VTI1A: variants seen among roughly 807,000 people sequenced by gnomAD.
VTI1A encodes the protein vesicle transport through interaction with t-SNAREs homolog 1A.
In VTI1A, 22 loss-of-function variants were observed where a neutral mutation model predicts 34.9. The observed-to-expected ratio is 0.63, with a 90% confidence interval of 0.45 to 0.90. The LOEUF (loss-of-function observed/expected upper bound fraction) is 0.90, where lower values mean the gene tolerates loss of function less well. VTI1A is among the 40% of genes least tolerant of loss of function. The pLI is 0.00. For missense variants in VTI1A, 268 were observed against 275.6 expected (o/e 0.97, Z 0.20); for synonymous variants, 87 against 97.3 (o/e 0.89, Z 0.62).
intron 5 of VTI1A, among the ~76,000 whole-genome samples, chr10:112,592,748 A>C (rs895666289): frequency 5.3e-5 from 8 of 152,238 alleles, no homozygotes; most frequent in Non-Finnish European, 1.0e-4. Context: ...ACATTTACAC[A>C]ATCAGCAAAT....
At chr10:112,618,571 A>G (rs945392987) in intron 5 of VTI1A, among the ~76,000 whole-genome samples, 1 of 141,774 alleles carries the variant, frequency 7.1e-6, no homozygotes, top group Non-Finnish European at 1.5e-5. Flanking sequence ...GGTAATATCA[A>G]CGGGCTGTTA....
intron 7 of VTI1A, among the ~76,000 whole-genome samples, chr10:112,769,150 G>T (rs540387539): frequency 2.0e-5 from 3 of 152,300 alleles, no homozygotes; most frequent in African/African-American, 7.2e-5. Context: ...GAAATAGGGA[G>T]AGCTAAAATT....
At chr10:112,681,261 C>T (rs541292147) in intron 7 of VTI1A, among the ~76,000 whole-genome samples, 2 of 151,762 alleles carry the variant, frequency 1.3e-5, no homozygotes, top group African/African-American at 4.8e-5. Flanking sequence ...TTAATTTTTT[C>T]GTAGAGACAG....
the VTI1A span, among the ~76,000 whole-genome samples, chr10:112,839,661 C>T: frequency 2.0e-5 from 3 of 152,200 alleles, no homozygotes; most frequent in South Asian, 6.2e-4. Flanking sequence ...AGGGGCACTG[C>T]TGCTGGTGGG....
At chr10:112,529,132 C>T (rs1235835373) in intron 4 of VTI1A, among the ~76,000 whole-genome samples, 1 of 152,090 alleles carries the variant, frequency 6.6e-6, no homozygotes, top group East Asian at 1.9e-4. Flanking sequence ...AAGGAACTGT[C>T]ACTTCAATAA....
chr10:112,486,657 T>TTGTATATTCTTAAGAATATACAAC (rs1848642508), intron 3 of VTI1A, among the ~76,000 whole-genome samples: 2 of 150,952 alleles, frequency 1.3e-5, no homozygotes. Context: ...GAATATACAG[T>TTGTATATTCTTAAGAATATACAAC]TGTATATTCT....
At chr10:112,507,728 A>G (rs534189563) in intron 3 of VTI1A, among the ~76,000 whole-genome samples, 10 of 152,272 alleles carry the variant, frequency 6.6e-5, no homozygotes, top group Admixed American at 5.9e-4. Context: ...TGAGCACTCA[A>G]TGATGAACTA....
chr10:112,556,186 A>AGTGAGT, intron 5 of VTI1A, among the ~76,000 whole-genome samples: 1 of 151,860 alleles, frequency 6.6e-6, no homozygotes, highest in Non-Finnish European at 1.5e-5. Context: ...TTAGGTAAGG[A>AGTGAGT]CTTCTTATGT....
chr10:112,705,142 ATCC>A (rs1849152607), intron 7 of VTI1A, among the ~76,000 whole-genome samples: 3 of 151,692 alleles, frequency 2.0e-5, no homozygotes, highest in Admixed American at 6.6e-5. Flanking sequence ...GCCTCAAGCA[ATCC>A]TCCTGCCTCA....
At chr10:112,830,279 C>T in the VTI1A span, among the ~76,000 whole-genome samples, 3 of 151,982 alleles carry the variant, frequency 2.0e-5, no homozygotes, top group South Asian at 2.1e-4. Context: ...CATGACCTGA[C>T]GCCTACCCCT....
At chr10:112,523,592 C>G (rs1052971283) in intron 3 of VTI1A, among the ~76,000 whole-genome samples, 6 of 151,746 alleles carry the variant, frequency 4.0e-5, no homozygotes, top group Admixed American at 1.3e-4. Context: ...GTGTGGGTGG[C>G]GGGGGGAGGC....
rs189634814 is a variant in VTI1A at position 112,729,401 on chromosome 10, G to T, written c.560+60403G>T. Among the ~76,000 whole-genome samples the T allele has an allele frequency of 9.4e-4, 143 of 152,276 alleles. 4 individuals are homozygous for T. In the East Asian group the frequency reaches 0.023, roughly 24 times the overall value. ...TTTTTGCACTTCTTTTTCTGTGGTA[G>T]TAATTGTGATGTTTACCACTTCTTG... On this transcript the variant is annotated intron_variant, in intron 7 of 7. Coordinates refer to ENST00000393077, the MANE Select transcript of VTI1A (RefSeq NM_145206.4).
intron 5 of VTI1A, among the ~76,000 whole-genome samples, chr10:112,627,358 T>G (rs114057446): frequency 8.1e-4 from 123 of 152,320 alleles, no homozygotes; most frequent in African/African-American, 2.8e-3. Flanking sequence ...AGACATATTT[T>G]TAAAGTAGTT....
chr10:112,644,378 A>G (rs746182051), intron 5 of VTI1A, among the ~76,000 whole-genome samples: 4 of 152,228 alleles, frequency 2.6e-5, no homozygotes, highest in Non-Finnish European at 4.4e-5. Context: ...TAAAGTGACG[A>G]TGGGTTTTAA....
At chr10:112,609,364 A>C (rs1031133522) in intron 5 of VTI1A, among the ~76,000 whole-genome samples, 5 of 152,134 alleles carry the variant, frequency 3.3e-5, no homozygotes, top group Non-Finnish European at 4.4e-5. Context: ...AATATGAAAA[A>C]CTTCTTTTGG....
chr10:112,698,640 G>A (rs1003556447), intron 7 of VTI1A, among the ~76,000 whole-genome samples: 1 of 152,170 alleles, frequency 6.6e-6, no homozygotes, highest in East Asian at 1.9e-4. Flanking sequence ...TTACCACATG[G>A]CTTAACACCC....
chr10:112,670,315 T>C (rs1847802504), intron 7 of VTI1A, among the ~76,000 whole-genome samples: 1 of 152,112 alleles, frequency 6.6e-6, no homozygotes, highest in Non-Finnish European at 1.5e-5. Context: ...TGTCCAGAAA[T>C]CATTCATCAT....
At position 112,797,656 on chromosome 10, in the gene VTI1A, A is replaced by G. The variant is rs1395657336; in HGVS notation, c.561-17634A>G. ...TTTTTGGGGATAGGAGGGAAACTAA[A>G]GGCAGAATCATTAAAGTAGCCAATC... On this transcript the variant is annotated intron_variant, in intron 7 of 7. Coordinates refer to ENST00000393077, the MANE Select transcript of VTI1A (RefSeq NM_145206.4). Among the ~76,000 whole-genome samples the G allele has an allele frequency of 2.6e-5, 4 of 152,318 alleles. No individual in the cohort carries two copies. The East Asian group carries it at 7.7e-4, about 29-fold the overall frequency.
chr10:112,483,273 TA>T (rs536289747), intron 3 of VTI1A, among the ~76,000 whole-genome samples: 10 of 149,462 alleles, frequency 6.7e-5, no homozygotes, highest in East Asian at 3.9e-4. Context: ...GTTCTCCAAT[TA>T]AAAAAAAAAT....
Sources: gnomAD v4.1 joint callset for allele counts (sites outside exome capture counted in the v4.1 genomes callset) on GRCh38, gnomAD v4.1.1 for gene constraint, MANE v1.5 for transcripts, NCBI Gene and HGNC (gene_info 2026-07-23, HGNC 2026-07-21) for gene names.